Variants in MYO1H observed in about 807,000 individuals in gnomAD.
MYO1H encodes unconventional myosin-Ih.
Under a neutral mutation model 149.3 loss-of-function variants are expected in MYO1H, and 118 were observed. The observed-to-expected ratio is 0.79, with a 90% CI of 0.68 to 0.92. The LOEUF (loss-of-function observed/expected upper bound fraction) is 0.92. Ranked by LOEUF, MYO1H falls within the 40% of genes least tolerant of loss-of-function variation. The pLI is 0.00. For missense variants in MYO1H, 1,212 were observed against 1,280.7 expected, an observed-to-expected ratio of 0.95 and a Z score of 0.82; for synonymous variants, 447 against 465.2, an observed-to-expected ratio of 0.96 and a Z score of 0.50.
At chr12:109,311,050 G>C in the MYO1H span, among the ~76,000 whole-genome samples, 2 of 152,182 alleles carry the variant, frequency 1.3e-5, no homozygotes, top group African/African-American at 4.8e-5. Flanking sequence ...CCTTCTTGGA[G>C]TTGTAAGGAA....
the MYO1H span, among the ~76,000 whole-genome samples, chr12:109,330,775 A>G: frequency 6.6e-6 from 1 of 152,134 alleles, no homozygotes; most frequent in Non-Finnish European, 1.5e-5. Context: ...TCAAAGTGAA[A>G]TTGCATTGTG....
At chr12:109,358,546 G>A (rs1868659899) in intron 1 of MYO1H, among the ~76,000 whole-genome samples, 1 of 152,150 alleles carries the variant, frequency 6.6e-6, no homozygotes, top group Non-Finnish European at 1.5e-5. Context: ...TCGTCTCCGG[G>A]ACTGTTGTCC....
At chr12:109,441,682 A>C in exon 26 of MYO1H, 1 of 1,612,976 alleles carries the variant, frequency 6.2e-7, no homozygotes, top group Non-Finnish European at 8.5e-7. Flanking sequence ...GAAAGTTTAA[A>C]TCAACCCTTT....
At chr12:109,339,040 T>C in the MYO1H span, among the ~76,000 whole-genome samples, 8 of 152,152 alleles carry the variant, frequency 5.3e-5, no homozygotes, top group South Asian at 4.1e-4. Context: ...ATGTAAATTT[T>C]CAGGAGGAAA....
chr12:109,405,923 A>G, exon 8 of MYO1H: 1 of 1,605,978 alleles, frequency 6.2e-7, no homozygotes, highest in Non-Finnish European at 8.5e-7. Context: ...TGTTCCTAGA[A>G]TCTCTTTGGA....
At chr12:109,427,874 ATC>A (rs1341565332) in intron 19 of MYO1H, among the ~76,000 whole-genome samples, 9 of 84,506 alleles carry the variant, frequency 1.1e-4, no homozygotes, top group Non-Finnish European at 1.8e-4. Context: ...GCAAAACCCA[ATC>A]TCTACAAAAA....
At chr12:109,394,814 A>G (rs964406267) in intron 3 of MYO1H, among the ~76,000 whole-genome samples, 2 of 152,050 alleles carry the variant, frequency 1.3e-5, no homozygotes, top group Non-Finnish European at 2.9e-5. Flanking sequence ...CAGACTGGAG[A>G]GCAGTGACAC....
intron 1 of MYO1H, among the ~76,000 whole-genome samples, chr12:109,361,272 G>A (rs1385330462): frequency 6.6e-6 from 1 of 152,048 alleles, no homozygotes; most frequent in Non-Finnish European, 1.5e-5. Flanking sequence ...AACCATCCAG[G>A]TAAAGACATA....
At chr12:109,345,193 A>T (rs2048098882), upstream of MYO1H, among the ~76,000 whole-genome samples, 1 of 152,198 alleles carries the variant, frequency 6.6e-6, no homozygotes, top group Non-Finnish European at 1.5e-5. Context: ...AATATTTGCA[A>T]ATCATATACA....
At chr12:109,433,258 T>A (rs2135591496) in intron 20 of MYO1H, among the ~76,000 whole-genome samples, 1 of 152,312 alleles carries the variant, frequency 6.6e-6, no homozygotes, top group South Asian at 2.1e-4. Flanking sequence ...CAGATGGGCC[T>A]CCTTGCTAGC....
rs1555254297 is a variant in MYO1H at position 109,427,909 on chromosome 12, AATATATAT to A, written c.1949+344_1949+351del. Among the ~76,000 whole-genome samples, 85 of 16,412 alleles carry A rather than the reference AATATATAT, an allele frequency of 5.2e-3. 3 individuals carry two copies. Among genetic ancestry groups the A allele is most frequent in the Admixed American group, 0.018 (21 of 1,150 alleles). 10.8% of individuals were successfully genotyped at this position (16,412 alleles called of 152,430 possible). A position where few individuals can be genotyped will look rare whatever the true frequency, so the allele number is the denominator to read the frequency against. On this transcript the variant is annotated intron_variant, in intron 19 of 31. Transcript: ENST00000310903. ...AAAAAAAAAAAAAAAAAAAAAAAAAAATATATATATATATATATATATATATATTAGAT... is the reference window on the plus strand; with the variant it reads ...AAAAAAAAAAAAAAAAAAAAAAAAAAATATATATATATATATATATTAGAT...
chr12:109,433,092 C>CT, intron 20 of MYO1H, 82 bp downstream of exon 20: 2 of 1,127,022 alleles, frequency 1.8e-6, no homozygotes, highest in South Asian at 1.3e-5. Context: ...CATCTAGAGC[C>CT]TGGAGACTCG....
chr12:109,447,159 G>A, exon 32 of MYO1H: 1 of 1,598,744 alleles, frequency 6.3e-7, no homozygotes, highest in Non-Finnish European at 8.5e-7. Flanking sequence ...TCTCTCCCAG[G>A]TGTCAGTCCG....
At chr12:109,379,972 C>G (rs914831096) in intron 1 of MYO1H, among the ~76,000 whole-genome samples, 1 of 152,030 alleles carries the variant, frequency 6.6e-6, no homozygotes, top group Non-Finnish European at 1.5e-5. Context: ...ACCTCGTGAT[C>G]CGCCCACCTC....
intron 1 of MYO1H, among the ~76,000 whole-genome samples, chr12:109,387,029 TGTGTGTG>T (rs1350259121): frequency 1.5e-3 from 160 of 108,754 alleles, no homozygotes; most frequent in African/African-American, 7.0e-3. Context: ...TGTGTGTGTG[TGTGTGTG>T]TGTGTAGTGT....
intron 27 of MYO1H, among the ~76,000 whole-genome samples, chr12:109,442,943 G>A (rs1452298120): frequency 6.7e-6 from 1 of 149,932 alleles, no homozygotes; most frequent in Non-Finnish European, 1.5e-5. Flanking sequence ...TCCTCAGAGG[G>A]CAACGCAGGT....
chr12:109,427,166 A>C (rs1355150963), intron 18 of MYO1H, among the ~76,000 whole-genome samples: 1 of 151,974 alleles, frequency 6.6e-6, no homozygotes, highest in Non-Finnish European at 1.5e-5. Flanking sequence ...AAATACAAAA[A>C]TTAGCCAGGC....
chr12:109,361,813 C>CAAAAAAAAA (rs35915417), intron 1 of MYO1H, among the ~76,000 whole-genome samples: 4 of 56,868 alleles, frequency 7.0e-5, no homozygotes, highest in African/African-American at 6.8e-5. Flanking sequence ...CCTTGTCTCA[C>CAAAAAAAAA]AAAAAAAAAA....
At chr12:109,393,489 T>C in intron 3 of MYO1H, 43 bp downstream of exon 3, 1 of 1,228,992 alleles carries the variant, frequency 8.1e-7, no homozygotes, top group Non-Finnish European at 1.1e-6. Context: ...GATTTTTCTT[T>C]TTCCCCTTCC....
Sources: gnomAD v4.1 joint callset for allele counts (sites outside exome capture counted in the v4.1 genomes callset) on GRCh38, gnomAD v4.1.1 for gene constraint, MANE v1.5 for transcripts, NCBI Gene and HGNC (gene_info 2026-07-23, HGNC 2026-07-21) for gene names.